Variants in MEGF9 observed in about 807,000 individuals in gnomAD.
The protein encoded by MEGF9 is multiple EGF like domains 9.
A neutral mutation model predicts 46.8 loss-of-function variants in MEGF9; 6 were observed. That is an observed-to-expected ratio of 0.13 (90% CI 0.07 to 0.25). The LOEUF is 0.25. Among genes scored for constraint, MEGF9 ranks in the 10% least tolerant of loss-of-function variants. The pLI is 1.00. For missense variants in MEGF9, 683 were observed against 792.4 expected (o/e 0.86, Z 1.66); for synonymous variants, 302 against 330.7 (o/e 0.91, Z 0.94).
intron 2 of MEGF9, among the ~76,000 whole-genome samples, chr9:120,652,177 CACACAA>C (rs1272313141): frequency 6.4e-4 from 9 of 14,078 alleles, no homozygotes; most frequent in East Asian, 1.3e-3. Flanking sequence ...CACACACACA[CACACAA>C]AAAAAAAAAA....
At chr9:120,713,510 A>C (rs1043998985) in intron 1 of MEGF9, among the ~76,000 whole-genome samples, 3 of 152,172 alleles carry the variant, frequency 2.0e-5, no homozygotes, top group Non-Finnish European at 2.9e-5. Context: ...CCTGTTGGGA[A>C]GAAGATGAGA....
intron 3 of MEGF9, 76 bp from the exon 4 acceptor site, chr9:120,612,615 A>C (rs2132299360): frequency 7.5e-7 from 1 of 1,338,912 alleles, no homozygotes. Flanking sequence ...TCATGCCTGC[A>C]ACAAAAAGAT....
Position 120,714,355 on chromosome 9 carries a change from T to G in MEGF9, c.4A>C (p.Asn2His). Residue 2 changes from asparagine to histidine, a missense_variant, in exon 1 of 6, where the codon AAT becomes CAT. Asn to His is a moderately conservative substitution (Grantham distance 68). Around this residue, in one of 2 missense-constraint regions of MEGF9, gnomAD observed 370 missense variants for 371.3 expected, o/e 1.00. Transcript: ENST00000373930. MNGGAERAMRSL... is the reference protein window; with the variant it reads MHGGAERAMRSL... The stretch of plus-strand genomic sequence containing the variant: ...CTCATGGCGCGCTCGGCTCCGCCAT[T>G]CATTCATTCAGCCAGTCGGTTGGTC... The G allele has an allele frequency of 7.5e-7, 1 of 1,325,428 alleles. No homozygotes were observed. Among genetic ancestry groups the G allele is most frequent in the South Asian group, 1.9e-5 (1 of 53,300 alleles). 82.1% of individuals were successfully genotyped at this position (1,325,428 alleles called of 1,614,324 possible).
chr9:120,672,789 C>T (rs1462992439), intron 1 of MEGF9, among the ~76,000 whole-genome samples: 8 of 151,992 alleles, frequency 5.3e-5, no homozygotes, highest in East Asian at 1.9e-4. Context: ...TTTGAGAGGC[C>T]GAGGCAGGCG....
chr9:120,641,869 C>A (rs757227622), intron 2 of MEGF9, among the ~76,000 whole-genome samples: 2 of 152,148 alleles, frequency 1.3e-5, no homozygotes, highest in Non-Finnish European at 2.9e-5. Context: ...AGGCAATCAA[C>A]CTCAGCGGTC....
chr9:120,692,591 C>T (rs991825848), intron 1 of MEGF9, among the ~76,000 whole-genome samples: 1 of 152,102 alleles, frequency 6.6e-6, no homozygotes, highest in Non-Finnish European at 1.5e-5. Context: ...AATTTCTGAG[C>T]ATGACATGGA....
chr9:120,712,687 C>T (rs1374716607), intron 1 of MEGF9, among the ~76,000 whole-genome samples: 1 of 152,164 alleles, frequency 6.6e-6, no homozygotes, highest in Non-Finnish European at 1.5e-5. Flanking sequence ...CAATTATAGT[C>T]CAAAGTCCAT....
intron 1 of MEGF9, among the ~76,000 whole-genome samples, chr9:120,703,298 A>G (rs2043913459): frequency 6.6e-6 from 1 of 152,222 alleles, no homozygotes; most frequent in South Asian, 2.1e-4. Flanking sequence ...ATCACTAAAT[A>G]TTTATTAAGA....
chr9:120,702,101 A>T (rs1198955403), intron 1 of MEGF9, among the ~76,000 whole-genome samples: 1 of 152,146 alleles, frequency 6.6e-6, no homozygotes. Context: ...AATGAAATGG[A>T]GAAAGAGCCA....
chr9:120,657,516 A>AAAC (rs2043682377), intron 2 of MEGF9, among the ~76,000 whole-genome samples: 1 of 152,210 alleles, frequency 6.6e-6, no homozygotes, highest in African/African-American at 2.4e-5. Flanking sequence ...GCCTAGAAGT[A>AAAC]AACACTTTTC....
intron 3 of MEGF9, among the ~76,000 whole-genome samples, chr9:120,614,818 T>C (rs1222305832): frequency 2.0e-5 from 3 of 151,626 alleles, no homozygotes; most frequent in East Asian, 1.9e-4. Context: ...AACAGTTCCA[T>C]AGTAAAATTT....
chr9:120,622,879 C>A (rs1301144875), intron 2 of MEGF9, 124 bp from the exon 3 acceptor site: 2 of 902,150 alleles, frequency 2.2e-6, no homozygotes, highest in Non-Finnish European at 3.2e-6. Context: ...TATCTCAAAG[C>A]CTTGTGTCCA....
At chr9:120,635,465 T>C (rs2043569932) in intron 2 of MEGF9, among the ~76,000 whole-genome samples, 1 of 152,230 alleles carries the variant, frequency 6.6e-6, no homozygotes, top group Non-Finnish European at 1.5e-5. Context: ...CACTTAATGG[T>C]GTCCCATAAG....
At chr9:120,663,848 G>C (rs2043713632) in intron 1 of MEGF9, among the ~76,000 whole-genome samples, 2 of 152,180 alleles carry the variant, frequency 1.3e-5, no homozygotes, top group African/African-American at 4.8e-5. Context: ...TGTTCTCACA[G>C]AGAGCAAAAT....
chr9:120,672,693 T>C (rs1220945139), intron 1 of MEGF9, among the ~76,000 whole-genome samples: 1 of 152,188 alleles, frequency 6.6e-6, no homozygotes, highest in Non-Finnish European at 1.5e-5. Context: ...AAAAAATGTT[T>C]ATTACAAAAA....
At chr9:120,618,488 C>T (rs2043482055) in intron 3 of MEGF9, among the ~76,000 whole-genome samples, 1 of 152,096 alleles carries the variant, frequency 6.6e-6, no homozygotes, top group Non-Finnish European at 1.5e-5. Context: ...CATGAAGTTC[C>T]AGTTTTAAAA....
At chr9:120,628,465 G>GTCGTTTTTTTTTTTTTTTTTTTTTTTTT (rs1306331353) in intron 2 of MEGF9, among the ~76,000 whole-genome samples, 1 of 52,756 alleles carries the variant, frequency 1.9e-5, no homozygotes. Flanking sequence ...AATTCTTGTC[G>GTCGTTTTTTTTTTTTTTTTTTTTTTTTT]TTGTTTTTTT....
At chr9:120,643,469 A>G (rs536089247) in intron 2 of MEGF9, among the ~76,000 whole-genome samples, 1 of 152,350 alleles carries the variant, frequency 6.6e-6, no homozygotes, top group African/African-American at 2.4e-5. Flanking sequence ...AGGTCAACAA[A>G]GTAAGTTTAT....
At chr9:120,689,959 T>G (rs2043841204) in intron 1 of MEGF9, 1 of 532,578 alleles carries the variant, frequency 1.9e-6, no homozygotes, top group Admixed American at 2.0e-5. Flanking sequence ...CTAAGATTCA[T>G]GACTGGCTGT....
Sources: gnomAD v4.1 joint callset for allele counts (sites outside exome capture counted in the v4.1 genomes callset) on GRCh38, gnomAD v4.1.1 for gene constraint, gnomAD v4.1.1 regional missense constraint, MANE v1.5 for transcripts, NCBI Gene and HGNC (gene_info 2026-07-23, HGNC 2026-07-21) for gene names.